Variants in GUCY1A2 observed in about 807,000 individuals in gnomAD.
GUCY1A2 encodes guanylate cyclase soluble subunit alpha-2.
A neutral mutation model predicts 63.5 loss-of-function variants in GUCY1A2; 27 were observed. The observed-to-expected ratio is 0.43, with a 90% CI of 0.31 to 0.59. The LOEUF (loss-of-function observed/expected upper bound fraction) is 0.59, where lower values mean the gene tolerates loss of function less well. Ranked by LOEUF, GUCY1A2 falls within the 20% of genes least tolerant of loss-of-function variation. The pLI, the probability that GUCY1A2 is intolerant of heterozygous loss-of-function variation, is 0.11. For synonymous variants in GUCY1A2, 364 were observed against 343.5 expected (o/e 1.06, Z -0.66); for missense variants, 768 against 913.3 (o/e 0.84, Z 2.05).
intron 6 of GUCY1A2, among the ~76,000 whole-genome samples, chr11:106,729,126 A>G (rs1306323019): frequency 6.6e-6 from 1 of 152,180 alleles, no homozygotes; most frequent in Non-Finnish European, 1.5e-5. Context: ...GAGACATGCT[A>G]TAAGCAAATA....
At chr11:106,945,669 A>G (rs1002147902) in intron 3 of GUCY1A2, among the ~76,000 whole-genome samples, 1 of 152,248 alleles carries the variant, frequency 6.6e-6, no homozygotes, top group African/African-American at 2.4e-5. Context: ...CATTAATTTT[A>G]AATTACTGAT....
At chr11:106,955,382 A>G (rs940990924) in intron 3 of GUCY1A2, among the ~76,000 whole-genome samples, 1 of 152,120 alleles carries the variant, frequency 6.6e-6, no homozygotes, top group African/African-American at 2.4e-5. Flanking sequence ...TAGTTGATGC[A>G]GTTTCTTCAT....
At chr11:106,877,219 G>T (rs145123365) in intron 4 of GUCY1A2, among the ~76,000 whole-genome samples, 1 of 151,934 alleles carries the variant, frequency 6.6e-6, no homozygotes, top group Admixed American at 6.6e-5. Context: ...GGAGCTTTGG[G>T]GCTGCGACTA....
Position 107,017,881 on chromosome 11 carries a change from G to GGGCGGC in GUCY1A2, c.169_174dup (p.Ala57_Ala58dup). The GGGCGGC allele has an allele frequency of 8.0e-7, 1 of 1,250,806 alleles. No homozygotes were observed. Among genetic ancestry groups the GGGCGGC allele is most frequent in the Non-Finnish European group, 1.0e-6 (1 of 995,428 alleles). 77.5% of individuals were successfully genotyped at this position (1,250,806 alleles called of 1,614,324 possible). A position where few individuals can be genotyped will look rare whatever the true frequency, so the allele number is the denominator to read the frequency against. Reference sequence around the variant, plus strand: ...GCAGAAGCAGCCGGGGTCGGGGCCGGGGCGGCGGCAGCGGCAGCTGCGGCC... The same window carrying GGGCGGC: ...GCAGAAGCAGCCGGGGTCGGGGCCGGGGCGGCGGCGGCGGCAGCGGCAGCTGCGGCC... On this transcript the variant is annotated inframe_insertion, in exon 1 of 8. Transcript: ENST00000526355.
chr11:106,785,981 T>C (rs1194560454), intron 5 of GUCY1A2, among the ~76,000 whole-genome samples: 2 of 151,888 alleles, frequency 1.3e-5, no homozygotes, highest in African/African-American at 2.4e-5. Context: ...ACTCCATCCA[T>C]AGGGTAATAA....
At chr11:106,910,418 AT>A (rs958739533) in intron 4 of GUCY1A2, among the ~76,000 whole-genome samples, 3 of 151,976 alleles carry the variant, frequency 2.0e-5, no homozygotes, top group Non-Finnish European at 2.9e-5. Context: ...CTCTAGGAAC[AT>A]TTTTTTGTAA....
At position 106,682,187 on chromosome 11, in the gene GUCY1A2, C is replaced by T. The variant is rs1196579251; in HGVS notation, c.*5362G>A. ...AGAAAGAAGACCACAAATTGGAAAT[C>T]AAAGCTAAAATTAAAATTTGTGAAA... On this transcript the variant is annotated 3_prime_UTR_variant, in exon 8 of 8. Coordinates refer to ENST00000526355, the MANE Select transcript of GUCY1A2 (RefSeq NM_000855.3). The T allele has an allele frequency of 4.7e-6, 1 of 210,848 alleles. No individual in the cohort carries two copies. Among genetic ancestry groups the T allele is most frequent in the African/African-American group, 2.3e-5 (1 of 43,370 alleles). The allele number at this position is 210,848 out of a possible 1,614,324, so 13.1% of individuals were successfully genotyped here.
At chr11:106,938,716 T>C (rs1267901295) in intron 4 of GUCY1A2, among the ~76,000 whole-genome samples, 3 of 152,228 alleles carry the variant, frequency 2.0e-5, no homozygotes, top group Non-Finnish European at 4.4e-5. Context: ...GTTGACTTTT[T>C]AAAATATTTT....
In GUCY1A2 at chr11:106,681,461, G is replaced by T; in HGVS notation, c.*6088C>A. Reference sequence around the variant, plus strand: ...TATACTACAAAGATCCAAAAATTGGGCAACATTATAAATAATACACAAATC... The same window carrying T: ...TATACTACAAAGATCCAAAAATTGGTCAACATTATAAATAATACACAAATC... On this transcript the variant is annotated 3_prime_UTR_variant, in exon 8 of 8. Transcript: ENST00000526355. 1 of 221,534 alleles carries T rather than the reference G, an allele frequency of 4.5e-6. No homozygotes were observed. Among genetic ancestry groups the T allele is most frequent in the Non-Finnish European group, 9.0e-6 (1 of 110,658 alleles). The allele number at this position is 221,534 out of a possible 1,614,324, so 13.7% of individuals were successfully genotyped here.
chr11:106,768,975 G>A (rs1864209202), intron 6 of GUCY1A2, among the ~76,000 whole-genome samples: 1 of 152,066 alleles, frequency 6.6e-6, no homozygotes, highest in Admixed American at 6.6e-5. Context: ...ACCAGAAGTA[G>A]ACAGGTCCTC....
At chr11:106,783,892 G>T (rs998706117) in intron 5 of GUCY1A2, among the ~76,000 whole-genome samples, 1 of 152,092 alleles carries the variant, frequency 6.6e-6, no homozygotes, top group African/African-American at 2.4e-5. Context: ...TGATGAATCT[G>T]TGGTCTCATC....
At position 106,748,633 on chromosome 11, in the gene GUCY1A2, A is replaced by G. The variant is rs1195429381; in HGVS notation, c.1836+27806T>C. 3.9e-5 allele frequency among the ~76,000 whole-genome samples: 6 copies of G among 152,324 alleles called. No homozygotes were observed. In the East Asian group the frequency reaches 1.2e-3, roughly 29 times the overall value. ...TTAAACCATGCTACTCTATTTTCTA[A>G]TTTCTTAAGAATTGAGTCTTTCTTG... On this transcript the variant is annotated intron_variant, in intron 6 of 7. Transcript: ENST00000526355.
chr11:107,012,275 T>TTC (rs66736080), intron 1 of GUCY1A2, among the ~76,000 whole-genome samples: 8 of 150,698 alleles, frequency 5.3e-5, no homozygotes, highest in African/African-American at 2.0e-4. Flanking sequence ...TTTTTTTTTT[T>TTC]CGTACTTGAC....
intron 4 of GUCY1A2, among the ~76,000 whole-genome samples, chr11:106,837,191 T>C (rs1253132079): frequency 6.6e-6 from 1 of 151,918 alleles, no homozygotes; most frequent in African/African-American, 2.4e-5. Flanking sequence ...TGTTTCCCTC[T>C]TTGTGTCCAT....
intron 6 of GUCY1A2, among the ~76,000 whole-genome samples, chr11:106,745,089 G>C (rs1863764040): frequency 6.6e-6 from 1 of 152,110 alleles, no homozygotes; most frequent in Non-Finnish European, 1.5e-5. Context: ...TTTACCATGA[G>C]TTAACAAAGT....
intron 5 of GUCY1A2, among the ~76,000 whole-genome samples, chr11:106,778,205 T>G (rs1292584077): frequency 1.3e-5 from 2 of 152,202 alleles, no homozygotes; most frequent in African/African-American, 4.8e-5. Context: ...GCTGAAGTGA[T>G]GAAAAATTGT....
At chr11:106,767,126 A>T (rs1287419424) in intron 6 of GUCY1A2, among the ~76,000 whole-genome samples, 1 of 152,136 alleles carries the variant, frequency 6.6e-6, no homozygotes, top group Non-Finnish European at 1.5e-5. Context: ...GACACTGGAG[A>T]CAAGAGGCAG....
intron 4 of GUCY1A2, among the ~76,000 whole-genome samples, chr11:106,825,498 C>CA (rs1285726547): frequency 3.3e-5 from 5 of 150,112 alleles, no homozygotes; most frequent in Admixed American, 2.7e-4. Context: ...AGAAAGTTTA[C>CA]AAAAAATGTA....
At chr11:106,748,539 C>A (rs1191929661) in intron 6 of GUCY1A2, among the ~76,000 whole-genome samples, 1 of 152,142 alleles carries the variant, frequency 6.6e-6, no homozygotes, top group Non-Finnish European at 1.5e-5. Flanking sequence ...TCTTAGGGAG[C>A]TAGATGTTCT....
Sources: allele counts gnomAD v4.1 joint callset (sites outside exome capture counted in the v4.1 genomes callset), GRCh38; gene constraint gnomAD v4.1.1; transcripts MANE v1.5; gene names NCBI Gene and HGNC (gene_info 2026-07-23, HGNC 2026-07-21).